Variants in ARB2A observed in about 807,000 individuals in gnomAD.
ARB2A encodes the protein ARB2 cotranscriptional regulator A.
At chr5:93,941,536 G>A in the ARB2A span, among the ~76,000 whole-genome samples, 1 of 151,940 alleles carries the variant, frequency 6.6e-6, no homozygotes, top group African/African-American at 2.4e-5. Context: ...CAAACCCCAA[G>A]CCTTTTGACA....
the ARB2A span, among the ~76,000 whole-genome samples, chr5:93,811,226 C>T: frequency 1.6e-3 from 246 of 152,218 alleles, no homozygotes; most frequent in African/African-American, 5.1e-3. Context: ...GTTTGGCCAA[C>T]GAAACTCATC....
chr5:94,055,753 A>G, the ARB2A span: 22 of 985,444 alleles, frequency 2.2e-5, no homozygotes, highest in South Asian at 4.7e-5. Context: ...CCTTCTTCCA[A>G]TGAATTGAGG....
the ARB2A span, among the ~76,000 whole-genome samples, chr5:93,976,583 C>G: frequency 6.6e-6 from 1 of 152,150 alleles, no homozygotes; most frequent in Non-Finnish European, 1.5e-5. Context: ...TTCATGAGAT[C>G]TGATGGTTTC....
chr5:94,097,155 T>C, the ARB2A span, among the ~76,000 whole-genome samples: 2 of 152,210 alleles, frequency 1.3e-5, no homozygotes, highest in African/African-American at 4.8e-5. Flanking sequence ...ATATACTGAC[T>C]GTCAGGCCTG....
At chr5:93,832,936 T>C in the ARB2A span, among the ~76,000 whole-genome samples, 1 of 152,152 alleles carries the variant, frequency 6.6e-6, no homozygotes, top group South Asian at 2.1e-4. Flanking sequence ...ATGCAGAAAT[T>C]GAACTAGTTA....
At chr5:93,796,489 G>A in the ARB2A span, among the ~76,000 whole-genome samples, 1 of 152,124 alleles carries the variant, frequency 6.6e-6, no homozygotes, top group African/African-American at 2.4e-5. Context: ...ACTGGGAGAG[G>A]TTGACACCCA....
chr5:93,828,499 G>T, the ARB2A span, among the ~76,000 whole-genome samples: 1 of 152,010 alleles, frequency 6.6e-6, no homozygotes, highest in Non-Finnish European at 1.5e-5. Context: ...TCCTGCCACC[G>T]TCTCTCAAAT....
the ARB2A span, among the ~76,000 whole-genome samples, chr5:93,662,923 TGG>T: frequency 6.6e-6 from 1 of 152,226 alleles, no homozygotes; most frequent in Non-Finnish European, 1.5e-5. Context: ...CTGGCAGGTT[TGG>T]TTGTCTGACG....
At chr5:93,630,659 G>GAA in the ARB2A span, among the ~76,000 whole-genome samples, 1 of 152,108 alleles carries the variant, frequency 6.6e-6, no homozygotes, top group Admixed American at 6.6e-5. Context: ...AAGATTCAGG[G>GAA]AAGACGGGTG....
the ARB2A span, among the ~76,000 whole-genome samples, chr5:93,687,162 T>C: frequency 6.6e-6 from 1 of 152,140 alleles, no homozygotes; most frequent in Non-Finnish European, 1.5e-5. Context: ...TGGTAATGTA[T>C]GAGATAAATA....
At chr5:93,881,435 A>G in the ARB2A span, 1 of 1,488,378 alleles carries the variant, frequency 6.7e-7, no homozygotes, top group Non-Finnish European at 9.3e-7. Context: ...TACAAGGTAA[A>G]GAAAATAGTA....
At chr5:93,733,327 A>G in the ARB2A span, 1 of 151,530 alleles carries the variant, frequency 6.6e-6, no homozygotes, top group East Asian at 1.9e-4. Flanking sequence ...CAGCCTCCTG[A>G]GTAGCTGGGA....
At chr5:93,918,793 AT>A in the ARB2A span, among the ~76,000 whole-genome samples, 1 of 152,020 alleles carries the variant, frequency 6.6e-6, no homozygotes, top group Non-Finnish European at 1.5e-5. Context: ...ACTAAAGTTT[AT>A]TTTCTTTCCC....
At chr5:94,087,101 C>A in the ARB2A span, among the ~76,000 whole-genome samples, 1 of 151,780 alleles carries the variant, frequency 6.6e-6, no homozygotes, top group African/African-American at 2.4e-5. Flanking sequence ...TGGGCTAATA[C>A]GTATGTTTGT....
chr5:93,781,680 G>C, the ARB2A span, among the ~76,000 whole-genome samples: 1 of 147,688 alleles, frequency 6.8e-6, no homozygotes, highest in African/African-American at 2.5e-5. Flanking sequence ...CCTTTTCCTT[G>C]CCAACATCTG....
At chr5:93,791,720 T>C in the ARB2A span, among the ~76,000 whole-genome samples, 260 of 152,236 alleles carry the variant, frequency 1.7e-3, no homozygotes, top group Middle Eastern at 6.8e-3. Flanking sequence ...CACCAAGGGA[T>C]AGGGTATGTA....
the ARB2A span, among the ~76,000 whole-genome samples, chr5:93,853,127 T>C: frequency 1.3e-5 from 2 of 152,176 alleles, no homozygotes; most frequent in African/African-American, 4.8e-5. Flanking sequence ...TCCTCTTTTA[T>C]TTCATTGAGC....
At chr5:93,903,701 CTATA>C in the ARB2A span, among the ~76,000 whole-genome samples, 1 of 136,970 alleles carries the variant, frequency 7.3e-6, no homozygotes, top group African/African-American at 2.6e-5. Flanking sequence ...ATTGAAAATT[CTATA>C]TATCTGTGTG....
the ARB2A span, among the ~76,000 whole-genome samples, chr5:93,920,159 C>T: frequency 2.0e-5 from 3 of 152,110 alleles, no homozygotes; most frequent in Non-Finnish European, 4.4e-5. Flanking sequence ...AGCTTTAGGG[C>T]TCGTGCCTGG....
Sources: allele counts gnomAD v4.1 joint callset (sites outside exome capture counted in the v4.1 genomes callset), GRCh38; gene constraint gnomAD v4.1.1; transcripts MANE v1.5; gene names NCBI Gene and HGNC (gene_info 2026-07-23, HGNC 2026-07-21).